Variants in ADGRF3 observed in about 807,000 individuals in gnomAD.
ADGRF3 encodes G protein-coupled receptor 113.
ADGRF3 carries 85 observed loss-of-function variants against 93.2 expected under a neutral mutation model. That is an observed-to-expected ratio of 0.91 (90% CI 0.77 to 1.09). ADGRF3 has a LOEUF of 1.09. Among genes scored for constraint, ADGRF3 ranks in the 50% least tolerant of loss-of-function variants. ADGRF3 has a pLI of 0.00. For missense variants in ADGRF3, 1,125 were observed against 1,246.2 expected, an observed-to-expected ratio of 0.90 and a Z score of 1.46; for synonymous variants, 534 against 532.5, an observed-to-expected ratio of 1.00 and a Z score of -0.04.
chr2:26,327,035 G>C (rs573308429), intron 1 of ADGRF3, among the ~76,000 whole-genome samples: 17 of 152,382 alleles, frequency 1.1e-4, no homozygotes, highest in Non-Finnish European at 2.2e-4. Context: ...CTCCCGAAGT[G>C]CTGGGATTAC....
At chr2:26,339,443 C>T (rs1676247846) in intron 1 of ADGRF3, among the ~76,000 whole-genome samples, 1 of 152,164 alleles carries the variant, frequency 6.6e-6, no homozygotes, top group Non-Finnish European at 1.5e-5. Context: ...TTGCAGTGAG[C>T]TAAGATCGTG....
chr2:26,315,649 C>G lies in ADGRF3; in HGVS notation c.591G>C (p.Leu197=). ...TCCCTGGGTGCCTCAGGAACCAGCT[C>G]AGGTTGGTGGCCTCCTGGCTCAGAT... is the stretch of plus-strand genomic sequence containing the variant. ...TLHLSQEATN[L]SWFLRHPGSP... is the part of the protein sequence containing the mutation. The change falls in exon 5 of 14, where the codon CTG becomes CTC. Residue 197 remains leucine (L), a synonymous_variant. Transcript: ENST00000651242. The G allele has an allele frequency of 6.4e-7, 1 of 1,551,640 alleles. No homozygotes were observed. The highest frequency in any genetic ancestry group is 8.7e-7 in the Non-Finnish European group (1 of 1,147,002).
chr2:26,313,231 A>G, intron 8 of ADGRF3, 109 bp from the exon 9 acceptor site: 1 of 1,464,400 alleles, frequency 6.8e-7, no homozygotes, highest in Middle Eastern at 1.8e-4. Flanking sequence ...TCTCACTCCT[A>G]CTTCCTGGCT....
intron 1 of ADGRF3, among the ~76,000 whole-genome samples, chr2:26,333,189 A>G (rs1675861131): frequency 6.6e-6 from 1 of 151,978 alleles, no homozygotes; most frequent in South Asian, 2.1e-4. Context: ...TTTGGAAAGC[A>G]TGTTTTGTTA....
At chr2:26,310,523 C>T (rs1461625183) in intron 10 of ADGRF3, among the ~76,000 whole-genome samples, 169 bp downstream of exon 10, 1 of 152,162 alleles carries the variant, frequency 6.6e-6, no homozygotes, top group Non-Finnish European at 1.5e-5. Flanking sequence ...GTAATTTGTC[C>T]AAAGTTATCC....
At position 26,310,659 on chromosome 2, in the gene ADGRF3, A is replaced by G. The variant is rs758863213; in HGVS notation, c.2832+33T>C. 25 of 1,585,198 alleles carry G rather than the reference A, an allele frequency of 1.6e-5. No individual in the cohort carries two copies. In the Middle Eastern group the frequency reaches 5.0e-4, roughly 31 times the overall value. On this transcript the variant is annotated intron_variant, in intron 10 of 13. Transcript: ENST00000651242. ...GGCAGTGACTTAGACCATCTAAAAA[A>G]GCAAAAAACACAGCCACCCCCCTAT...
Position 26,308,957 on chromosome 2 carries a change from TA to T in ADGRF3, c.*128del. ...TAAATGAGTGTCACTAAGGGAAATA[TA>T]AGCCTGCCTTTCTCAAGGGCTGAGC... On this transcript the variant is annotated 3_prime_UTR_variant, in exon 14 of 14. Transcript: ENST00000651242. 1 of 1,235,624 alleles carries T rather than the reference TA, an allele frequency of 8.1e-7. No homozygotes were observed. Among genetic ancestry groups the T allele is most frequent in the Non-Finnish European group, 1.2e-6 (1 of 845,902 alleles). The allele number at this position is 1,235,624 out of a possible 1,614,324, so 76.5% of individuals were successfully genotyped here. A position where few individuals can be genotyped will look rare whatever the true frequency, so the allele number is the denominator to read the frequency against.
In ADGRF3 at chr2:26,346,424, C is replaced by T; in HGVS notation, c.-190G>A. 1 of 1,114,142 alleles carries T rather than the reference C, an allele frequency of 9.0e-7. No individual in the cohort carries two copies. The highest frequency in any genetic ancestry group is 1.2e-6 in the Non-Finnish European group (1 of 821,612). The allele number at this position is 1,114,142 out of a possible 1,614,324, so 69.0% of individuals were successfully genotyped here. ...GCTGGCGGGCGTTCCTCCGGAGGTC[C>T]TGCGGGTCCTGGGGATTGGGGGTCG... On this transcript the variant is annotated 5_prime_UTR_variant, in exon 1 of 14. Transcript: ENST00000651242.
At position 26,313,923 on chromosome 2, in the gene ADGRF3, G is replaced by A; in HGVS notation, c.929-20C>T. ...AGGAAGCTGAAGGCAAAACGAAGAA[G>A]GGAACTGTCATTGGGCCAGGGACAG... is the stretch of plus-strand genomic sequence containing the variant. On this transcript the variant is annotated intron_variant, in intron 6 of 13. Transcript: ENST00000651242. 6 of 1,613,560 alleles carry A rather than the reference G, an allele frequency of 3.7e-6. No individual in the cohort carries two copies. The highest frequency in any genetic ancestry group is 5.1e-6 in the Non-Finnish European group (6 of 1,179,804).
intron 2 of ADGRF3, 53 bp from the exon 3 acceptor site, chr2:26,317,108 G>T: frequency 6.5e-7 from 1 of 1,546,322 alleles, no homozygotes; most frequent in South Asian, 1.2e-5. Flanking sequence ...GCCACAAGCC[G>T]GTCCCCTCTG....
rs972520112 is a variant in ADGRF3, at chr2:26,346,744, G to GTCTC, written c.-514_-511dup. The GTCTC allele has an allele frequency of 6.4e-6, 1 of 157,174 alleles. No individual in the cohort carries two copies. 9.7% of individuals were successfully genotyped at this position (157,174 alleles called of 1,614,324 possible). On this transcript the variant is annotated 5_prime_UTR_variant, in exon 1 of 14. Coordinates refer to ENST00000651242, the MANE Select transcript of ADGRF3 (RefSeq NM_001321971.2). Reference sequence around the variant, plus strand: ...GACTTGCCGATGCCATCCTGCTGATGTCTCCACTTCTGCTCCCGGCAGGGA... The same window carrying GTCTC: ...GACTTGCCGATGCCATCCTGCTGATGTCTCTCTCCACTTCTGCTCCCGGCAGGGA...
intron 1 of ADGRF3, among the ~76,000 whole-genome samples, chr2:26,321,100 C>G: frequency 6.6e-6 from 1 of 152,064 alleles, no homozygotes; most frequent in African/African-American, 2.4e-5. Context: ...AACACACACA[C>G]AAAGTACGAA....
chr2:26,344,552 C>T (rs1676586203), intron 1 of ADGRF3, among the ~76,000 whole-genome samples: 1 of 152,150 alleles, frequency 6.6e-6, no homozygotes, highest in South Asian at 2.1e-4. Context: ...TATTTGCAAG[C>T]CCCCTGGGTT....
Position 26,311,220 on chromosome 2 carries a change from G to A in ADGRF3, c.2304C>T (p.Pro768=). 1 of 1,605,098 alleles carries A rather than the reference G, an allele frequency of 6.2e-7. No individual in the cohort carries two copies. The highest frequency in any genetic ancestry group is 8.5e-7 in the Non-Finnish European group (1 of 1,176,048). ...CGGCAGCAAGGCAGAGCGGGCTTCGGGGCCCTGGAGAGAGGAATGGGGCGC... is the reference window on the plus strand; with the variant it reads ...CGGCAGCAAGGCAGAGCGGGCTTCGAGGCCCTGGAGAGAGGAATGGGGCGC... ...FLGAPFLSPG[P]RSPLCLAAAF... The change falls in exon 10 of 14, where the codon CCC becomes CCT. Residue 768 remains proline (P), a synonymous_variant. Transcript: ENST00000651242.
Position 26,346,101 on chromosome 2 carries a change from G to A in ADGRF3, c.114+20C>T. 1.3e-6 allele frequency: 2 copies of A among 1,560,172 alleles called. No homozygotes were observed. Among genetic ancestry groups the A allele is most frequent in the Non-Finnish European group, 8.7e-7 (1 of 1,154,914 alleles). On this transcript the variant is annotated intron_variant, in intron 1 of 13. Coordinates refer to ENST00000651242, the MANE Select transcript of ADGRF3 (RefSeq NM_001321971.2). ...CGAGGCGGCTACGCGTGCGCGGTGG[G>A]CGGAGCGCGGCTCTCCTACCTTCTC...
In ADGRF3 at chr2:26,313,801, A is replaced by G; in HGVS notation, c.1031T>C (p.Leu344Pro). The change falls in exon 7 of 14, where the codon CTG (leucine) becomes CCG (proline). Residue 344 changes from leucine to proline, a missense_variant. Leu to Pro is a moderately conservative substitution (Grantham distance 98). Coordinates refer to ENST00000651242, the MANE Select transcript of ADGRF3 (RefSeq NM_001321971.2). ...GGAGATGGGGACCCTGAGTGGAGCCAGGCCCAGGCTCTGCAGGTCACAAGC... is the reference window on the plus strand; with the variant it reads ...GGAGATGGGGACCCTGAGTGGAGCCGGGCCCAGGCTCTGCAGGTCACAAGC... ...TYACDLQSLG[L>P]APLRVPISIT... 1 of 1,613,966 alleles carries G rather than the reference A, an allele frequency of 6.2e-7. No homozygotes were observed. Among genetic ancestry groups the G allele is most frequent in the Non-Finnish European group, 8.5e-7 (1 of 1,179,860 alleles).
At chr2:26,320,481 A>G (rs1358286882) in intron 1 of ADGRF3, among the ~76,000 whole-genome samples, 2 of 152,190 alleles carry the variant, frequency 1.3e-5, no homozygotes, top group Non-Finnish European at 2.9e-5. Flanking sequence ...GGGCAACAAG[A>G]GTGAAACTCC....
At chr2:26,322,284 A>G (rs1259036109) in intron 1 of ADGRF3, among the ~76,000 whole-genome samples, 2 of 117,292 alleles carry the variant, frequency 1.7e-5, no homozygotes. Flanking sequence ...ATCTGTCTCA[A>G]AAAAAAAAAA....
chr2:26,309,238 T>TAATGTGAAAAGG, intron 13 of ADGRF3, 131 bp from the exon 14 acceptor site: 1 of 1,600,372 alleles, frequency 6.2e-7, no homozygotes, highest in Non-Finnish European at 8.5e-7. Context: ...AAATGTGTGA[T>TAATGTGAAAAGG]AATGTGAAAA....
Sources: allele counts gnomAD v4.1 joint callset (sites outside exome capture counted in the v4.1 genomes callset), GRCh38; gene constraint gnomAD v4.1.1; transcripts MANE v1.5; gene names NCBI Gene and HGNC (gene_info 2026-07-23, HGNC 2026-07-21).